The following CDCA2 variants were observed in gnomAD, a reference collection of about 807,000 sequenced individuals.
The protein encoded by CDCA2 is cell division cycle associated 2.
A neutral mutation model predicts 67.0 loss-of-function variants in CDCA2; 44 were observed. That is an observed-to-expected ratio of 0.66 (90% CI 0.52 to 0.84). The LOEUF (loss-of-function observed/expected upper bound fraction) is 0.84. Ranked by LOEUF, CDCA2 falls within the 40% of genes least tolerant of loss-of-function variation. The pLI, the probability that CDCA2 is intolerant of heterozygous loss-of-function variation, is 0.00. For missense variants in CDCA2, 1,253 were observed against 1,203.2 expected (o/e 1.04, Z -0.61); for synonymous variants, 447 against 418.7 (o/e 1.07, Z -0.82).
intron 13 of CDCA2, among the ~76,000 whole-genome samples, chr8:25,502,801 T>C (rs1481699703): frequency 6.6e-6 from 1 of 152,136 alleles, no homozygotes; most frequent in Non-Finnish European, 1.5e-5. Context: ...TTTTGGCAAG[T>C]GCCTTGTGGA....
intron 13 of CDCA2, among the ~76,000 whole-genome samples, chr8:25,495,343 C>G (rs568941240): frequency 7.2e-4 from 110 of 152,196 alleles, no homozygotes; most frequent in Non-Finnish European, 1.9e-4. Flanking sequence ...TTGACAAATT[C>G]TTACTATGTC....
rs1190645349 is a variant in CDCA2 at position 25,466,211 on chromosome 8, A to C, written c.424A>C (p.Arg142=). 6.2e-7 allele frequency: 1 copy of C among 1,611,788 alleles called. No individual in the cohort carries two copies. Reference sequence around the variant, plus strand: ...ACTGTATCGAAATGTTAACACTTTAAGAGAACGAATATCAGCCTTCCAGTC... The same window carrying C: ...ACTGTATCGAAATGTTAACACTTTACGAGAACGAATATCAGCCTTCCAGTC... The part of the protein sequence containing the change: ...PALYRNVNTL[R]ERISAFQSAF... The change falls in exon 5 of 15, where the codon AGA becomes CGA. Residue 142 remains arginine, a synonymous_variant. Transcript: ENST00000330560.
At chr8:25,483,371 A>G (rs1377448301) in intron 8 of CDCA2, 28 bp from the exon 9 acceptor site, 1 of 1,446,520 alleles carries the variant, frequency 6.9e-7, no homozygotes, top group Middle Eastern at 1.8e-4. Context: ...TATATGTAAA[A>G]TTATTCATTA....
intron 13 of CDCA2, among the ~76,000 whole-genome samples, chr8:25,503,148 G>T (rs947881487): frequency 6.6e-6 from 1 of 152,020 alleles, no homozygotes; most frequent in Non-Finnish European, 1.5e-5. Flanking sequence ...GCCAGTCGTG[G>T]TGGTATGTAC....
chr8:25,473,189 C>T (rs1008100577), intron 7 of CDCA2, among the ~76,000 whole-genome samples: 1 of 152,192 alleles, frequency 6.6e-6, no homozygotes, highest in African/African-American at 2.4e-5. Context: ...AGAGTCTCCT[C>T]GCTTTTAGGG....
At chr8:25,482,506 TAAAAAC>T (rs1803610440) in intron 8 of CDCA2, among the ~76,000 whole-genome samples, 2 of 152,240 alleles carry the variant, frequency 1.3e-5, no homozygotes, top group South Asian at 4.2e-4. Flanking sequence ...ACAAAACACA[TAAAAAC>T]AATAACATAT....
intron 13 of CDCA2, among the ~76,000 whole-genome samples, chr8:25,496,574 T>C (rs1179705958): frequency 2.0e-5 from 3 of 152,094 alleles, no homozygotes; most frequent in Non-Finnish European, 4.4e-5. Flanking sequence ...AGCCAAAATG[T>C]ATAAGAAACT....
At chr8:25,467,963 C>T (rs1438734865) in intron 5 of CDCA2, among the ~76,000 whole-genome samples, 4 of 151,470 alleles carry the variant, frequency 2.6e-5, no homozygotes, top group African/African-American at 9.7e-5. Context: ...ACTAAATATA[C>T]GAAGATTAGC....
At chr8:25,502,086 C>T (rs368849814) in intron 13 of CDCA2, among the ~76,000 whole-genome samples, 34 of 152,078 alleles carry the variant, frequency 2.2e-4, no homozygotes, top group African/African-American at 6.7e-4. Context: ...TTAGTAGAGA[C>T]GGCTTTCACC....
intron 5 of CDCA2, among the ~76,000 whole-genome samples, chr8:25,467,616 C>A (rs921812922): frequency 1.3e-5 from 2 of 152,002 alleles, no homozygotes; most frequent in African/African-American, 4.8e-5. Context: ...CGTGAGGTAC[C>A]ATATTAGACA....
chr8:25,503,450 T>C lies in CDCA2; in HGVS notation c.1749T>C (p.Ile583=), dbSNP rs113075225. 6.2e-7 allele frequency: 1 copy of C among 1,613,974 alleles called. No homozygotes were observed. The highest frequency in any genetic ancestry group is 8.5e-7 in the Non-Finnish European group (1 of 1,179,834). ...VQKSLYGERD[I]ASKKPLLSPI... The stretch of plus-strand genomic sequence containing the variant: ...AATCTTTATATGGGGAAAGAGACAT[T>C]GCTTCTAAGAAGCCCCTCCTCAGTC... The change falls in exon 14 of 15, where the codon ATT becomes ATC. Residue 583 remains isoleucine (I), a synonymous_variant. Coordinates refer to ENST00000330560, the MANE Select transcript of CDCA2 (RefSeq NM_152562.4).
intron 8 of CDCA2, among the ~76,000 whole-genome samples, 193 bp from the exon 9 acceptor site, chr8:25,483,206 A>G (rs932885022): frequency 1.3e-5 from 2 of 152,210 alleles, no homozygotes; most frequent in African/African-American, 4.8e-5. Flanking sequence ...CTAAAGTAGT[A>G]TCTAGGGGAC....
chr8:25,463,990 G>A (rs901873643), intron 4 of CDCA2, among the ~76,000 whole-genome samples: 2 of 152,192 alleles, frequency 1.3e-5, no homozygotes, highest in East Asian at 3.8e-4. Context: ...TTTTACTAAA[G>A]ATAGAGGTCT....
At chr8:25,497,727 A>C (rs989425392) in intron 13 of CDCA2, among the ~76,000 whole-genome samples, 1 of 152,156 alleles carries the variant, frequency 6.6e-6, no homozygotes, top group African/African-American at 2.4e-5. Flanking sequence ...CTTGCCATAA[A>C]ATAATTATGT....
intron 14 of CDCA2, 102 bp downstream of exon 14, chr8:25,503,646 G>C: frequency 8.6e-7 from 1 of 1,167,198 alleles, no homozygotes; most frequent in Non-Finnish European, 1.2e-6. Flanking sequence ...TATGTAAAGA[G>C]TACGTAAATT....
At chr8:25,470,424 A>G (rs934968070) in intron 7 of CDCA2, among the ~76,000 whole-genome samples, 2 of 152,196 alleles carry the variant, frequency 1.3e-5, no homozygotes, top group Admixed American at 1.3e-4. Flanking sequence ...TCTTATGGGC[A>G]TATAATTGGA....
intron 6 of CDCA2, among the ~76,000 whole-genome samples, chr8:25,468,912 A>G (rs920962768): frequency 2.0e-5 from 3 of 152,134 alleles, no homozygotes; most frequent in Non-Finnish European, 4.4e-5. Flanking sequence ...TCAGGGTGCC[A>G]TTCAGCAATT....
Position 25,507,287 on chromosome 8 carries a change from C to T in CDCA2, c.2621C>T (p.Ser874Phe). The change falls in exon 15 of 15, where the codon TCT becomes TTT. Residue 874 changes from serine (S) to phenylalanine (F), a missense_variant. By Grantham distance (155) the Ser-to-Phe change is radical. Coordinates refer to ENST00000330560, the MANE Select transcript of CDCA2 (RefSeq NM_152562.4). Reference protein sequence around the residue: ...LENSELFKDLSDAIEQTFQRR... With the variant: ...LENSELFKDLFDAIEQTFQRR... ...AATTCTGAACTGTTTAAAGATTTGT[C>T]TGATGCCATTGAGCAAACCTTTCAG... The T allele has an allele frequency of 6.2e-7, 1 of 1,614,156 alleles. No homozygotes were observed. The highest frequency in any genetic ancestry group is 8.5e-7 in the Non-Finnish European group (1 of 1,180,040).
In CDCA2 at chr8:25,507,617, CA is replaced by C. The variant is rs765241255; in HGVS notation, c.2954del (p.Asn985IlefsTer25). ...AAGAGCTTTTGTATATCTACACTTG[CA>C]AATACTAAAGCCACTTCCCAGTTCA... is the stretch of plus-strand genomic sequence containing the variant. ...RRKSFCISTL[A>X]NTKATSQFKG... is the part of the protein sequence containing the mutation. On this transcript the variant is annotated frameshift_variant, in exon 15 of 15. Transcript: ENST00000330560. LOFTEE classifies it low-confidence loss of function (END_TRUNC). The C allele has an allele frequency of 6.2e-7, 1 of 1,614,166 alleles. No homozygotes were observed. Among genetic ancestry groups the C allele is most frequent in the South Asian group, 1.1e-5 (1 of 91,076 alleles).
Sources: gnomAD v4.1 joint callset for allele counts (sites outside exome capture counted in the v4.1 genomes callset) on GRCh38, gnomAD v4.1.1 for gene constraint, MANE v1.5 for transcripts, NCBI Gene and HGNC (gene_info 2026-07-23, HGNC 2026-07-21) for gene names.